The following FER variants were observed in gnomAD, a reference collection of about 807,000 sequenced individuals.
The protein encoded by FER is tyrosine-protein kinase Fer.
FER carries 63 observed loss-of-function variants against 111.0 expected under a neutral mutation model. The ratio of observed to expected loss-of-function variants is 0.57; its 90% CI spans 0.46 to 0.70. The LOEUF is 0.70. Ranked by LOEUF, FER falls within the 30% of genes least tolerant of loss-of-function variation. FER has a pLI of 0.00. For missense variants in FER, 914 were observed against 954.0 expected, an observed-to-expected ratio of 0.96 and a Z score of 0.55; for synonymous variants, 327 against 313.9, an observed-to-expected ratio of 1.04 and a Z score of -0.44.
intron 9 of FER, among the ~76,000 whole-genome samples, chr5:108,884,870 C>G (rs949901199): frequency 6.6e-6 from 1 of 151,992 alleles, no homozygotes. Context: ...ACAATGATGT[C>G]TACATTGCTA....
At chr5:108,962,233 G>A (rs1340477717) in intron 13 of FER, among the ~76,000 whole-genome samples, 1 of 152,160 alleles carries the variant, frequency 6.6e-6, no homozygotes, top group South Asian at 2.1e-4. Flanking sequence ...CAGAGCTTGT[G>A]TAAACATATG....
At position 109,044,719 on chromosome 5, in the gene FER, A is replaced by C. The variant is rs767596727; in HGVS notation, c.1753A>C (p.Lys585Gln). 1 of 1,588,120 alleles carries C rather than the reference A, an allele frequency of 6.3e-7. No homozygotes were observed. Among genetic ancestry groups the C allele is most frequent in the Non-Finnish European group, 8.5e-7 (1 of 1,170,252 alleles). Reference protein sequence around the residue: ...GEVYKGTLKDKTSVAVKTCKE... With the variant: ...GEVYKGTLKDQTSVAVKTCKE... ...AGTATATAAGGGCACATTAAAGGAT[A>C]AAACTTCTGTTGCTGTTAAAACATG... Residue 585 changes from lysine to glutamine, a missense_variant, in exon 15 of 20, where the codon AAA becomes CAA. Coordinates refer to ENST00000281092, the MANE Select transcript of FER (RefSeq NM_005246.4).
At chr5:108,818,878 G>T (rs966923299) in intron 3 of FER, among the ~76,000 whole-genome samples, 2 of 152,088 alleles carry the variant, frequency 1.3e-5, no homozygotes, top group Non-Finnish European at 2.9e-5. Flanking sequence ...CTACAAAGTA[G>T]GTAGCCTAAA....
chr5:109,030,122 A>C (rs1327755311), intron 13 of FER, among the ~76,000 whole-genome samples: 1 of 152,030 alleles, frequency 6.6e-6, no homozygotes, highest in Non-Finnish European at 1.5e-5. Flanking sequence ...GTGAGTTTTT[A>C]AAATTTGCTT....
intron 10 of FER, among the ~76,000 whole-genome samples, chr5:108,945,081 G>A (rs943684557): frequency 6.6e-6 from 1 of 152,090 alleles, no homozygotes; most frequent in African/African-American, 2.4e-5. Flanking sequence ...TACATTTACT[G>A]TTACAGAGAT....
At chr5:108,835,195 C>CACCG (rs1554074801) in intron 4 of FER, among the ~76,000 whole-genome samples, 2 of 126,882 alleles carry the variant, frequency 1.6e-5, no homozygotes, top group African/African-American at 6.6e-5. Context: ...CCCCCCCCCC[C>CACCG]CCACTTTTTT....
At chr5:108,761,242 A>G (rs553524998) in intron 1 of FER, among the ~76,000 whole-genome samples, 5 of 152,216 alleles carry the variant, frequency 3.3e-5, no homozygotes, top group African/African-American at 1.2e-4. Flanking sequence ...TTGGCTTTCA[A>G]CATGCCTTCC....
intron 17 of FER, among the ~76,000 whole-genome samples, chr5:109,132,137 C>T (rs1244755387): frequency 1.3e-5 from 2 of 152,142 alleles, no homozygotes. Flanking sequence ...GCATTGGGAT[C>T]TAAATGCTGG....
At chr5:108,991,387 C>T (rs1763154110) in intron 13 of FER, among the ~76,000 whole-genome samples, 1 of 151,624 alleles carries the variant, frequency 6.6e-6, no homozygotes, top group Admixed American at 6.6e-5. Context: ...AGTGTCACGG[C>T]CCCCCCAAAA....
chr5:109,005,415 A>G (rs747701851), intron 13 of FER, among the ~76,000 whole-genome samples: 1 of 152,116 alleles, frequency 6.6e-6, no homozygotes, highest in Non-Finnish European at 1.5e-5. Context: ...TTATTCAAAC[A>G]TACTTATGTA....
intron 17 of FER, among the ~76,000 whole-genome samples, chr5:109,123,850 A>AT (rs1221079952): frequency 6.6e-6 from 1 of 152,180 alleles, no homozygotes; most frequent in Non-Finnish European, 1.5e-5. Flanking sequence ...GTTATTGAAC[A>AT]TCTTAGTATC....
intron 13 of FER, among the ~76,000 whole-genome samples, chr5:109,003,008 C>T (rs1437147623): frequency 6.6e-6 from 1 of 152,286 alleles, no homozygotes; most frequent in African/African-American, 2.4e-5. Flanking sequence ...CACTTTTTTA[C>T]ACTGTTGGTG....
At chr5:109,051,257 G>C (rs1215419665) in intron 16 of FER, 1 of 1,135,474 alleles carries the variant, frequency 8.8e-7, no homozygotes, top group South Asian at 1.2e-5. Flanking sequence ...ACTTTCTACA[G>C]CACCTTTTTT....
At chr5:109,065,710 G>A (rs1415416528) in intron 16 of FER, among the ~76,000 whole-genome samples, 1 of 152,162 alleles carries the variant, frequency 6.6e-6, no homozygotes, top group Non-Finnish European at 1.5e-5. Context: ...CCTCTTGTCA[G>A]TGAAATGTGA....
chr5:108,916,276 G>T (rs2150369022), intron 10 of FER, among the ~76,000 whole-genome samples: 1 of 152,054 alleles, frequency 6.6e-6, no homozygotes, highest in East Asian at 1.9e-4. Flanking sequence ...TATTATACTT[G>T]ATTCAAGTTT....
At chr5:108,839,572 C>CTTTTTTTTTT (rs1232820003) in intron 5 of FER, among the ~76,000 whole-genome samples, 5 of 94,734 alleles carry the variant, frequency 5.3e-5, no homozygotes, top group Non-Finnish European at 1.0e-4. Context: ...ATGCCATTTT[C>CTTTTTTTTTT]TTTTTTTTTT....
chr5:109,086,831 T>A (rs1777618523), intron 16 of FER, among the ~76,000 whole-genome samples: 1 of 151,380 alleles, frequency 6.6e-6, no homozygotes, highest in Non-Finnish European at 1.5e-5. Flanking sequence ...CAAAAATTTT[T>A]TTCCCATAAT....
At chr5:109,136,643 T>C (rs966534467) in intron 17 of FER, among the ~76,000 whole-genome samples, 3 of 152,308 alleles carry the variant, frequency 2.0e-5, no homozygotes, top group African/African-American at 2.4e-5. Context: ...GAGGTAATTA[T>C]CACCATTTTA....
chr5:108,857,276 C>T (rs138347703), intron 5 of FER, among the ~76,000 whole-genome samples: 37 of 152,200 alleles, frequency 2.4e-4, no homozygotes, highest in Middle Eastern at 6.8e-3. Context: ...AAAACATTGA[C>T]ATTTTTGAGC....
Sources: gnomAD v4.1 joint callset for allele counts (sites outside exome capture counted in the v4.1 genomes callset) on GRCh38, gnomAD v4.1.1 for gene constraint, MANE v1.5 for transcripts, NCBI Gene and HGNC (gene_info 2026-07-23, HGNC 2026-07-21) for gene names.